Variants in MIER1 observed in about 807,000 individuals in gnomAD.
MIER1 encodes mesoderm induction early response protein 1.
A neutral mutation model predicts 75.7 loss-of-function variants in MIER1; 40 were observed. That is an observed-to-expected ratio of 0.53 (90% CI 0.41 to 0.69). The LOEUF (loss-of-function observed/expected upper bound fraction) is 0.69, where lower values mean the gene tolerates loss of function less well. MIER1 is among the 30% of genes least tolerant of loss of function. MIER1 has a pLI of 0.00. For missense variants in MIER1, 574 were observed against 680.2 expected, an observed-to-expected ratio of 0.84 and a Z score of 1.74; for synonymous variants, 213 against 223.4, an observed-to-expected ratio of 0.95 and a Z score of 0.42.
chr1:66,950,389 G>A (rs115308234), intron 4 of MIER1, among the ~76,000 whole-genome samples: 327 of 152,266 alleles, frequency 2.1e-3, no homozygotes, highest in African/African-American at 7.6e-3. Flanking sequence ...GGTTACAGGC[G>A]TGAGCTATTG....
At chr1:66,959,850 T>A in intron 7 of MIER1, 107 bp downstream of exon 7, 6 of 454,754 alleles carry the variant, frequency 1.3e-5, no homozygotes, top group Non-Finnish European at 2.3e-5. Flanking sequence ...ATAAAATCGA[T>A]GTAAGCCCTT....
At chr1:66,984,462 G>A in intron 13 of MIER1, 110 bp from the exon 14 acceptor site, 1 of 771,220 alleles carries the variant, frequency 1.3e-6, no homozygotes, top group East Asian at 2.5e-5. Flanking sequence ...TTTAGACTAT[G>A]TATTTGATAC....
chr1:66,972,957 A>T lies in MIER1; in HGVS notation c.1067A>T (p.Tyr356Phe). ...AATTTTGAACAAGGGCTGAAGGCCT[A>T]TGGAAAGGATTTTCATTTGATTCAG... ...CRNFEQGLKA[Y>F]GKDFHLIQAN... The change falls in exon 11 of 14, where the codon TAT (tyrosine) becomes TTT (phenylalanine). Residue 356 changes from tyrosine (Y) to phenylalanine (F), a missense_variant. Coordinates refer to ENST00000401041, the MANE Select transcript of MIER1 (RefSeq NM_001077700.3). The T allele has an allele frequency of 1.2e-6, 2 of 1,608,008 alleles. No individual in the cohort carries two copies. The highest frequency in any genetic ancestry group is 1.1e-5 in the South Asian group (1 of 90,892).
At chr1:66,961,548 A>G (rs1371082166) in intron 7 of MIER1, among the ~76,000 whole-genome samples, 5 of 152,216 alleles carry the variant, frequency 3.3e-5, no homozygotes, top group African/African-American at 1.2e-4. Flanking sequence ...AAAAGGAAGT[A>G]CCTATCTTTA....
At position 66,951,024 on chromosome 1, in the gene MIER1, C is replaced by T. The variant is rs892741886; in HGVS notation, c.339+4729C>T. On this transcript the variant is annotated intron_variant, in intron 4 of 13. Transcript: ENST00000401041. ...GTCAGCATCTGCCATTTCTTAATGA[C>T]TAACCTCCTGATGTGAGGGAGAAGG... Among the ~76,000 whole-genome samples the T allele has an allele frequency of 2.6e-5, 4 of 152,224 alleles. No homozygotes were observed. In the East Asian group the frequency reaches 7.7e-4, roughly 29 times the overall value.
chr1:66,935,024 T>G (rs560533723), intron 2 of MIER1, among the ~76,000 whole-genome samples: 1 of 152,272 alleles, frequency 6.6e-6, no homozygotes, highest in Non-Finnish European at 1.5e-5. Flanking sequence ...GGGGAAAAAT[T>G]TGTTCAGACG....
intron 2 of MIER1, among the ~76,000 whole-genome samples, chr1:66,937,270 G>A (rs4655660): frequency 0.58 from 88,213 of 151,924 alleles, 27,766 homozygotes; most frequent in East Asian, 0.84. Context: ...ATTATGATCA[G>A]CTAACTAGAT....
At position 66,985,439 on chromosome 1, in the gene MIER1, T is replaced by G; in HGVS notation, c.*539T>G. The stretch of plus-strand genomic sequence containing the variant: ...ATCCTGAAAATTATGCTAGCATGAT[T>G]TTTTTATATATAGAAGTTTAAAAAT... On this transcript the variant is annotated 3_prime_UTR_variant, in exon 14 of 14. Transcript: ENST00000401041. 1 of 983,426 alleles carries G rather than the reference T, an allele frequency of 1.0e-6. No individual in the cohort carries two copies. The highest frequency in any genetic ancestry group is 1.2e-6 in the Non-Finnish European group (1 of 827,984). 60.9% of individuals were successfully genotyped at this position (983,426 alleles called of 1,614,324 possible).
At chr1:66,941,687 T>G (rs1656253219) in intron 3 of MIER1, among the ~76,000 whole-genome samples, 1 of 152,190 alleles carries the variant, frequency 6.6e-6, no homozygotes, top group African/African-American at 2.4e-5. Context: ...AATACAAATG[T>G]TGGCCAGGTG....
intron 5 of MIER1, 61 bp from the exon 6 acceptor site, chr1:66,958,790 G>A: frequency 7.3e-7 from 1 of 1,371,578 alleles, no homozygotes; most frequent in South Asian, 1.3e-5. Context: ...TATATGCTAT[G>A]GTCTTTCATC....
At chr1:66,982,272 T>C (rs539172648) in intron 13 of MIER1, among the ~76,000 whole-genome samples, 6 of 152,326 alleles carry the variant, frequency 3.9e-5, no homozygotes, top group East Asian at 1.9e-4. Flanking sequence ...ACATGAGATA[T>C]ACAGATCATT....
chr1:66,944,369 A>G (rs1324074159), intron 3 of MIER1, among the ~76,000 whole-genome samples: 1 of 151,278 alleles, frequency 6.6e-6, no homozygotes, highest in Admixed American at 6.6e-5. Flanking sequence ...GCTTTTGCAA[A>G]TCTAGGTCCA....
chr1:66,959,657 A>G, intron 6 of MIER1, 22 bp from the exon 7 acceptor site: 1 of 1,154,386 alleles, frequency 8.7e-7, no homozygotes, highest in Non-Finnish European at 1.2e-6. Flanking sequence ...ATTTTATAGT[A>G]TTGGTGTCTT....
intron 2 of MIER1, among the ~76,000 whole-genome samples, chr1:66,937,014 A>AAG (rs1558026943): frequency 6.6e-6 from 1 of 151,326 alleles, no homozygotes; most frequent in African/African-American, 2.4e-5. Context: ...AAAAAAAAAA[A>AAG]AAAAAAGAGA....
chr1:66,958,190 T>A lies in MIER1; in HGVS notation c.471T>A (p.Asp157Glu), dbSNP rs776740477. ...AAGATGATGAAGATGCTGATAATGA[T>A]GACAACAGTGGCTGTAGTGGGGAAA... ...EGEDDEDADN[D>E]DNSGCSGENK... Residue 157 changes from aspartate to glutamate, a missense_variant, in exon 5 of 14, where the codon GAT becomes GAA. By Grantham distance (45) the Asp-to-Glu change is conservative. Transcript: ENST00000401041. The A allele has an allele frequency of 6.2e-7, 1 of 1,604,174 alleles. No homozygotes were observed. Among genetic ancestry groups the A allele is most frequent in the Non-Finnish European group, 8.5e-7 (1 of 1,171,232 alleles).
chr1:66,982,403 T>C (rs1418501982), intron 13 of MIER1, among the ~76,000 whole-genome samples: 1 of 152,202 alleles, frequency 6.6e-6, no homozygotes, highest in East Asian at 1.9e-4. Context: ...TATATTAATA[T>C]TCTACAGAAA....
In MIER1 at chr1:66,925,087, G is replaced by A. The variant is rs1468139136; in HGVS notation, c.59G>A (p.Gly20Asp). 12 of 1,547,566 alleles carry A rather than the reference G, an allele frequency of 7.8e-6. No homozygotes were observed. The highest frequency in any genetic ancestry group is 1.4e-5 in the African/African-American group (1 of 72,856). Residue 20 changes from glycine (G) to aspartate (D), a missense_variant, in exon 1 of 14, where the codon GGC becomes GAC. This residue lies in a region of MIER1 where 309 missense variants were observed against 352.8 expected (regional missense o/e 0.88). Coordinates refer to ENST00000401041, the MANE Select transcript of MIER1 (RefSeq NM_001077700.3). ...GSSEGGGGSS[G>D]SGYGVVARFS... ...AGCGAAGGTGGCGGCGGCAGCAGCG[G>A]CAGCGGCTGTAAGTGCAGCCTCCAC...
intron 11 of MIER1, among the ~76,000 whole-genome samples, chr1:66,973,530 CAT>C (rs1327870289): frequency 3.3e-5 from 5 of 152,090 alleles, no homozygotes; most frequent in East Asian, 1.9e-4. Context: ...TTTTATTTAA[CAT>C]AATCATTTAT....
intron 2 of MIER1, among the ~76,000 whole-genome samples, chr1:66,932,185 T>G (rs1653592046): frequency 6.6e-6 from 1 of 152,216 alleles, no homozygotes; most frequent in African/African-American, 2.4e-5. Flanking sequence ...AAAAATATTT[T>G]GATTCACTAA....
Sources: allele counts gnomAD v4.1 joint callset (sites outside exome capture counted in the v4.1 genomes callset), GRCh38; gene constraint gnomAD v4.1.1; regional missense constraint gnomAD v4.1.1; transcripts MANE v1.5; gene names NCBI Gene and HGNC (gene_info 2026-07-23, HGNC 2026-07-21).